PBX4: variants seen among roughly 807,000 people sequenced by gnomAD.
The protein encoded by PBX4 is pre-B-cell leukemia transcription factor 4.
A neutral mutation model predicts 35.1 loss-of-function variants in PBX4; 26 were observed. The ratio of observed to expected loss-of-function variants is 0.74; its 90% CI spans 0.54 to 1.03. The LOEUF (loss-of-function observed/expected upper bound fraction) is 1.03, where lower values mean the gene tolerates loss of function less well. Ranked by LOEUF, PBX4 falls within the 50% of genes least tolerant of loss-of-function variation. The pLI is 0.00. For synonymous variants in PBX4, 199 were observed against 204.2 expected, an observed-to-expected ratio of 0.97 and a Z score of 0.22; for missense variants, 448 against 504.3, an observed-to-expected ratio of 0.89 and a Z score of 1.07.
intron 2 of PBX4, among the ~76,000 whole-genome samples, chr19:19,592,464 G>GCTGACCCCAGGAGACAAGCT (rs1240034897): frequency 1.3e-5 from 2 of 152,160 alleles, no homozygotes; most frequent in African/African-American, 4.8e-5. Flanking sequence ...GTGTGGTGAA[G>GCTGACCCCAGGAGACAAGCT]CTGACCCCAG....
chr19:19,572,541 G>A (rs16996161), intron 2 of PBX4, among the ~76,000 whole-genome samples: 6,967 of 152,206 alleles, frequency 0.046, 543 homozygotes, highest in African/African-American at 0.16. Context: ...AGGAACTCAA[G>A]CGATATCCTT....
At chr19:19,585,856 T>C (rs1379458900) in intron 2 of PBX4, among the ~76,000 whole-genome samples, 1 of 152,154 alleles carries the variant, frequency 6.6e-6, no homozygotes, top group Non-Finnish European at 1.5e-5. Flanking sequence ...GAACTAATGA[T>C]AATCCCACCA....
At position 19,618,641 on chromosome 19, in the gene PBX4, C is replaced by A; in HGVS notation, c.-12G>T. 1 of 1,214,758 alleles carries A rather than the reference C, an allele frequency of 8.2e-7. No homozygotes were observed. Among genetic ancestry groups the A allele is most frequent in the Non-Finnish European group, 1.0e-6 (1 of 975,834 alleles). 75.2% of individuals were successfully genotyped at this position (1,214,758 alleles called of 1,614,324 possible). A position where few individuals can be genotyped will look rare whatever the true frequency, so the allele number is the denominator to read the frequency against. ...GGCGGGGCGGCCATGAGCGGCAGGG[C>A]CGGGCGGGCGCTGTGAGGGTGCCGT... On this transcript the variant is annotated 5_prime_UTR_variant, in exon 1 of 8. Coordinates refer to ENST00000251203, the MANE Select transcript of PBX4 (RefSeq NM_025245.3).
In PBX4 at chr19:19,562,089, G is replaced by C; in HGVS notation, c.1061C>G (p.Pro354Arg). 2 of 1,612,590 alleles carry C rather than the reference G, an allele frequency of 1.2e-6. No individual in the cohort carries two copies. Among genetic ancestry groups the C allele is most frequent in the Non-Finnish European group, 1.7e-6 (2 of 1,179,466 alleles). The change falls in exon 8 of 8, where the codon CCC becomes CGC. Residue 354 changes from proline to arginine, a missense_variant. Physicochemically the swap from Pro to Arg is moderately radical, Grantham distance 103 (BLOSUM62 -2). Coordinates refer to ENST00000251203, the MANE Select transcript of PBX4 (RefSeq NM_025245.3). This position sits in a 1 kb window ranked among gnomAD's most constrained non-coding sequence, Gnocchi z 4.8. ...QAQGSWQGAT[P>R]QPATASPAGD... Reference sequence around the variant, plus strand: ...AGCAGGTGAGGCAGTTGCAGGTTGGGGGGTGGCCCCCTGCCAGCTACCCTG... The same window carrying C: ...AGCAGGTGAGGCAGTTGCAGGTTGGCGGGTGGCCCCCTGCCAGCTACCCTG...
At position 19,570,726 on chromosome 19, in the gene PBX4, T is replaced by G. The variant is rs1195856369; in HGVS notation, c.301A>C (p.Arg101=). Residue 101 remains arginine, a synonymous_variant, in exon 3 of 8, where the codon AGA becomes CGA. Coordinates refer to ENST00000251203, the MANE Select transcript of PBX4 (RefSeq NM_025245.3). ...EGVCRPEKRG[R]GGAVARAGTA... ...CCGGCCCTGGCCACCGCTCCTCCTC[T>G]TCCTCTCTTCTCGGGCCTGCACACG... The G allele has an allele frequency of 1.2e-6, 2 of 1,614,116 alleles. No homozygotes were observed. Among genetic ancestry groups the G allele is most frequent in the South Asian group, 2.2e-5 (2 of 91,080 alleles).
At chr19:19,582,166 C>T (rs770898415) in intron 2 of PBX4, among the ~76,000 whole-genome samples, 7 of 152,170 alleles carry the variant, frequency 4.6e-5, no homozygotes, top group African/African-American at 9.7e-5. Context: ...CCTCTCACCT[C>T]TCAGCTCCAA....
chr19:19,598,297 C>CT (rs34977299), intron 2 of PBX4, among the ~76,000 whole-genome samples: 55,602 of 129,034 alleles, frequency 0.43, 12,699 homozygotes, highest in African/African-American at 0.52. Flanking sequence ...CTTTTCTTTC[C>CT]TTTTTTTTTT....
intron 2 of PBX4, among the ~76,000 whole-genome samples, chr19:19,575,834 G>A (rs1449822668): frequency 6.6e-6 from 1 of 152,100 alleles, no homozygotes; most frequent in African/African-American, 2.4e-5. Flanking sequence ...GCTCCTTCCT[G>A]AGCACCCATG....
At chr19:19,595,001 C>T (rs949996226) in intron 2 of PBX4, among the ~76,000 whole-genome samples, 6 of 152,198 alleles carry the variant, frequency 3.9e-5, no homozygotes, top group African/African-American at 9.6e-5. Context: ...GGATTACAGG[C>T]GTGAGCCACC....
intron 2 of PBX4, among the ~76,000 whole-genome samples, chr19:19,596,471 C>T (rs142753101): frequency 2.0e-5 from 3 of 151,926 alleles, no homozygotes; most frequent in Non-Finnish European, 4.4e-5. Flanking sequence ...TGTGTGCGCA[C>T]GTGTGTGTGT....
chr19:19,607,157 G>A (rs753202481), intron 1 of PBX4, among the ~76,000 whole-genome samples: 1 of 152,028 alleles, frequency 6.6e-6, no homozygotes, highest in South Asian at 2.1e-4. Context: ...AGGTTCAAGC[G>A]ATTCTTGTGC....
intron 2 of PBX4, among the ~76,000 whole-genome samples, chr19:19,573,261 C>A (rs1048711985): frequency 6.6e-6 from 1 of 151,010 alleles, no homozygotes; most frequent in Non-Finnish European, 1.5e-5. Flanking sequence ...GCCGAGATCA[C>A]GCCACTGTAC....
chr19:19,584,455 C>G (rs909237912), intron 2 of PBX4, among the ~76,000 whole-genome samples: 3 of 151,994 alleles, frequency 2.0e-5, no homozygotes, highest in Non-Finnish European at 2.9e-5. Context: ...GGGGGACAGA[C>G]CAGCAGGCAG....
In PBX4 at chr19:19,570,321, G is replaced by A. The variant is rs1336113925; in HGVS notation, c.442-22C>T. The A allele has an allele frequency of 4.4e-6, 7 of 1,576,090 alleles. No individual in the cohort carries two copies. In the Admixed American group the frequency reaches 5.3e-5, roughly 12 times the overall value. ...AGGCCTGGGGTGGGAGCACAGACAC[G>A]CCGGCCTGTGACTAGGCAGCAGGGT... is the stretch of plus-strand genomic sequence containing the variant. On this transcript the variant is annotated intron_variant, in intron 3 of 7. Transcript: ENST00000251203.
In PBX4 at chr19:19,615,703, C is replaced by A. The variant is rs111369018; in HGVS notation, c.119+2808G>T. ...GGTCAGGAATTTGTGACCAGCCTGGCCAACACGGTGAAACCCCATCTCTAC... is the reference window on the plus strand; with the variant it reads ...GGTCAGGAATTTGTGACCAGCCTGGACAACACGGTGAAACCCCATCTCTAC... On this transcript the variant is annotated intron_variant, in intron 1 of 7. Transcript: ENST00000251203. 1.2e-3 allele frequency among the ~76,000 whole-genome samples: 176 copies of A among 152,274 alleles called. 2 individuals are homozygous for A. The highest frequency in any genetic ancestry group is 1.8e-3 in the Admixed American group (27 of 15,290).
intron 2 of PBX4, among the ~76,000 whole-genome samples, chr19:19,583,419 T>G (rs568437402): frequency 6.4e-4 from 97 of 152,112 alleles, no homozygotes; most frequent in African/African-American, 2.3e-3. Flanking sequence ...GAGAGCAGCC[T>G]GGGCAACATA....
chr19:19,567,628 C>T (rs1307089084), intron 5 of PBX4, among the ~76,000 whole-genome samples: 1 of 152,188 alleles, frequency 6.6e-6, no homozygotes, highest in Non-Finnish European at 1.5e-5. Context: ...TGGCCTGGAC[C>T]TGGCTTGCTG....
chr19:19,618,063 A>C (rs2061697310), intron 1 of PBX4, among the ~76,000 whole-genome samples: 1 of 152,156 alleles, frequency 6.6e-6, no homozygotes, highest in African/African-American at 2.4e-5. Context: ...CGGGAGGCTG[A>C]GGCAGGAGAA....
chr19:19,615,345 T>TAA (rs564649103), intron 1 of PBX4, among the ~76,000 whole-genome samples: 16 of 127,380 alleles, frequency 1.3e-4, no homozygotes, highest in Admixed American at 1.1e-3. Context: ...CGGCCTTATA[T>TAA]AAAAAAAAAA....
Sources: gnomAD v4.1 joint callset for allele counts (sites outside exome capture counted in the v4.1 genomes callset) on GRCh38, gnomAD v4.1.1 for gene constraint, Gnocchi (gnomAD v3.1) non-coding constraint, MANE v1.5 for transcripts, NCBI Gene and HGNC (gene_info 2026-07-23, HGNC 2026-07-21) for gene names.